The following GAB3 variants were observed in gnomAD, a reference collection of about 807,000 sequenced individuals.
GAB3 encodes GRB2 associated binding protein 3, also known as GRB2-associated-binding protein 3.
GAB3 carries 12 observed loss-of-function variants against 40.4 expected under a neutral mutation model. That is an observed-to-expected ratio of 0.30 (90% CI 0.19 to 0.48). The LOEUF (loss-of-function observed/expected upper bound fraction) is 0.48. Among genes scored for constraint, GAB3 ranks in the 20% least tolerant of loss-of-function variants. The pLI, the probability that GAB3 is intolerant of heterozygous loss-of-function variation, is 0.99. For missense variants in GAB3, 381 were observed against 461.9 expected (o/e 0.82, Z 1.61); for synonymous variants, 154 against 176.7 (o/e 0.87, Z 1.02).
chrX:154,709,097 C>A (rs1603425632), intron 4 of GAB3, among the ~76,000 whole-genome samples: 1 of 107,249 alleles, frequency 9.3e-6, no homozygotes, highest in East Asian at 2.9e-4. Flanking sequence ...TGTGATAGAG[C>A]TCTCACGAGA....
intron 9 of GAB3, chrX:154,679,424 C>T: frequency 4.8e-6 from 1 of 209,762 alleles, no homozygotes; most frequent in South Asian, 7.0e-5. Flanking sequence ...TCCTTTTATA[C>T]TTATTGCTCC....
At chrX:154,736,256 C>G (rs782597299) in intron 1 of GAB3, among the ~76,000 whole-genome samples, 2 of 112,536 alleles carry the variant, frequency 1.8e-5, no homozygotes, top group Admixed American at 9.3e-5. Flanking sequence ...TTGACAAGAG[C>G]AGTTTTGATG....
At position 154,712,612 on chromosome X, in the gene GAB3, G is replaced by A. The variant is rs781922452; in HGVS notation, c.686C>T (p.Pro229Leu). ...FDDVFVDCLQ[P>L]LPSSHLVHPS... ...GTGGACCAAATGACTGGAGGGGAGC[G>A]GCTGCAGGCAGTCAACAAAAACATC... The change falls in exon 4 of 10, where the codon CCG (proline) becomes CTG (leucine). Residue 229 changes from proline (P) to leucine (L), a missense_variant. Coordinates refer to ENST00000424127, the MANE Select transcript of GAB3 (RefSeq NM_001081573.3). 26 of 1,137,706 alleles carry A rather than the reference G, an allele frequency of 2.3e-5. No individual in the cohort carries two copies. Among genetic ancestry groups the A allele is most frequent in the South Asian group, 2.2e-4 (10 of 45,874 alleles). The allele number at this position is 1,137,706 out of a possible 1,213,427, so 93.8% of individuals were successfully genotyped here.
At position 154,697,161 on chromosome X, in the gene GAB3, T is replaced by C. The variant is rs1557250930; in HGVS notation, c.1398A>G (p.Ala466=). The C allele has an allele frequency of 1.7e-6, 2 of 1,204,208 alleles. No individual in the cohort carries two copies. The highest frequency in any genetic ancestry group is 2.2e-6 in the Non-Finnish European group (2 of 891,964). The part of the protein sequence containing the change: ...LRNLSIIREH[A]SLTRTRTVPC... ...GCACAGTGCGGGTCCTGGTAAGAGA[T>C]GCATGTTCCCGGATGATCGAGAGGT... The change falls in exon 7 of 10, where the codon GCA becomes GCG. Residue 466 remains alanine (A), a synonymous_variant. Coordinates refer to ENST00000424127, the MANE Select transcript of GAB3 (RefSeq NM_001081573.3).
At chrX:154,682,688 CT>C (rs1194021513) in intron 8 of GAB3, among the ~76,000 whole-genome samples, 1 of 111,714 alleles carries the variant, frequency 9.0e-6, no homozygotes, top group Non-Finnish European at 1.9e-5. Context: ...TTTAAAAAGG[CT>C]TTTCCTAGCT....
chrX:154,687,072 AT>A (rs1216237189), intron 8 of GAB3, among the ~76,000 whole-genome samples: 2 of 110,091 alleles, frequency 1.8e-5, no homozygotes, highest in African/African-American at 6.6e-5. Flanking sequence ...TGTGCCTGTA[AT>A]CCCAGCTACT....
chrX:154,708,726 A>G (rs1174229693), intron 4 of GAB3, among the ~76,000 whole-genome samples: 2 of 112,076 alleles, frequency 1.8e-5, no homozygotes, highest in African/African-American at 6.5e-5. Flanking sequence ...GTTGGAGAGC[A>G]TGTAGAGAAG....
intron 1 of GAB3, among the ~76,000 whole-genome samples, chrX:154,717,391 G>A (rs2071062525): frequency 9.0e-6 from 1 of 111,080 alleles, no homozygotes. Flanking sequence ...GGGGGGTGGG[G>A]CATGGCAGGA....
chrX:154,725,088 G>A lies in GAB3; in HGVS notation c.73-8759C>T, dbSNP rs782656200. Reference sequence around the variant, plus strand: ...TCGTGAAAAGACACAGAGAGAAGATGGCCATCTACAAGTCAAGGAGAGAAG... The same window carrying A: ...TCGTGAAAAGACACAGAGAGAAGATAGCCATCTACAAGTCAAGGAGAGAAG... On this transcript the variant is annotated intron_variant, in intron 1 of 9. Coordinates refer to ENST00000424127, the MANE Select transcript of GAB3 (RefSeq NM_001081573.3). Among the ~76,000 whole-genome samples the A allele has an allele frequency of 7.2e-5, 8 of 111,682 alleles. No individual in the cohort carries two copies. In the South Asian group the frequency reaches 1.1e-3, roughly 16 times the overall value.
At chrX:154,742,971 CTATAGTGTGTGTACATATATATA>C (rs1274626042) in intron 1 of GAB3, among the ~76,000 whole-genome samples, 16 of 95,003 alleles carry the variant, frequency 1.7e-4, no homozygotes, top group Non-Finnish European at 2.3e-4. Flanking sequence ...TGGGTGAATT[CTATAGTGTGTGTACATATATATA>C]TATATATATA....
chrX:154,723,510 C>T (rs1473485861), intron 1 of GAB3, among the ~76,000 whole-genome samples: 3 of 111,616 alleles, frequency 2.7e-5, no homozygotes, highest in African/African-American at 9.8e-5. Flanking sequence ...GTGAACACTT[C>T]AGAATAGAGG....
chrX:154,715,338 G>T (rs781882581), intron 2 of GAB3, among the ~76,000 whole-genome samples: 2 of 111,036 alleles, frequency 1.8e-5, no homozygotes, highest in Non-Finnish European at 3.8e-5. Context: ...TCCATGAAGG[G>T]AAGTTAATTG....
intron 8 of GAB3, among the ~76,000 whole-genome samples, chrX:154,695,399 T>C (rs1451437811): frequency 9.0e-6 from 1 of 111,671 alleles, no homozygotes; most frequent in Admixed American, 9.5e-5. Context: ...AGACCCATAA[T>C]AGGAATCTTC....
At chrX:154,724,395 G>A (rs2071182481) in intron 1 of GAB3, among the ~76,000 whole-genome samples, 2 of 109,879 alleles carry the variant, frequency 1.8e-5, no homozygotes, top group South Asian at 7.9e-4. Context: ...AAAATAAAAT[G>A]ACAATGTGAC....
Position 154,735,886 on chromosome X carries a change from T to C in GAB3, c.72+15068A>G, listed in dbSNP as rs146524444. The stretch of plus-strand genomic sequence containing the variant: ...CTCCCTGGGCTGCAGCCAAGCTCAC[T>C]GCTCTTGGAACATTCCAGGCGTGTT... On this transcript the variant is annotated intron_variant, in intron 1 of 9. Coordinates refer to ENST00000424127, the MANE Select transcript of GAB3 (RefSeq NM_001081573.3). Among the ~76,000 whole-genome samples, 109 of 112,819 alleles carry C rather than the reference T, an allele frequency of 9.7e-4. 1 individual carries two copies. The highest frequency in any genetic ancestry group is 3.4e-3 in the African/African-American group (107 of 31,089).
chrX:154,709,637 T>C (rs1373658340), intron 4 of GAB3, among the ~76,000 whole-genome samples: 1 of 109,994 alleles, frequency 9.1e-6, no homozygotes, highest in Non-Finnish European at 1.9e-5. Flanking sequence ...CTTTAGTCCA[T>C]TCTCATACTG....
chrX:154,725,126 C>T (rs1468074488), intron 1 of GAB3, among the ~76,000 whole-genome samples: 1 of 111,466 alleles, frequency 9.0e-6, no homozygotes, highest in Non-Finnish European at 1.9e-5. Context: ...TGGAACACAT[C>T]CTTCCCTCAC....
At chrX:154,702,509 A>C (rs2070752450) in intron 4 of GAB3, among the ~76,000 whole-genome samples, 1 of 112,261 alleles carries the variant, frequency 8.9e-6, no homozygotes, top group Admixed American at 9.4e-5. Flanking sequence ...CTGGACAAAA[A>C]AATTCTTCAG....
At chrX:154,682,563 G>A (rs2070388861) in intron 8 of GAB3, among the ~76,000 whole-genome samples, 1 of 111,683 alleles carries the variant, frequency 9.0e-6, no homozygotes, top group African/African-American at 3.3e-5. Flanking sequence ...CATCTAGTAA[G>A]ATAATATATC....
Sources: allele counts gnomAD v4.1 joint callset (sites outside exome capture counted in the v4.1 genomes callset), GRCh38; gene constraint gnomAD v4.1.1; transcripts MANE v1.5; gene names NCBI Gene and HGNC (gene_info 2026-07-23, HGNC 2026-07-21).